The following UNC5D variants were observed in gnomAD, a reference collection of about 807,000 sequenced individuals.
UNC5D encodes netrin receptor UNC5D.
In UNC5D, 39 loss-of-function variants were observed where a neutral mutation model predicts 105.4. The ratio of observed to expected loss-of-function variants is 0.37; its 90% confidence interval spans 0.29 to 0.48. The LOEUF is 0.48. Among genes scored for constraint, UNC5D ranks in the 20% least tolerant of loss-of-function variants. UNC5D has a pLI of 0.98. For synonymous variants in UNC5D, 452 were observed against 450.4 expected (o/e 1.00, Z -0.04); for missense variants, 991 against 1,202.4 (o/e 0.82, Z 2.60).
At chr8:35,453,221 C>A (rs1022115576) in intron 1 of UNC5D, among the ~76,000 whole-genome samples, 1 of 151,988 alleles carries the variant, frequency 6.6e-6, no homozygotes, top group South Asian at 2.1e-4. Context: ...TTTCTAGGAC[C>A]GAGAATAGTG....
intron 1 of UNC5D, among the ~76,000 whole-genome samples, chr8:35,307,093 C>T (rs930462396): frequency 6.6e-6 from 1 of 151,356 alleles, no homozygotes; most frequent in African/African-American, 2.4e-5. Flanking sequence ...AATACACTAA[C>T]ACTACTGATA....
At chr8:35,514,150 A>G (rs1457611295) in intron 1 of UNC5D, among the ~76,000 whole-genome samples, 1 of 152,218 alleles carries the variant, frequency 6.6e-6, no homozygotes, top group African/African-American at 2.4e-5. Flanking sequence ...TCCATTTTGC[A>G]TTTCTGCAGC....
At chr8:35,472,950 A>C (rs765935189) in intron 1 of UNC5D, among the ~76,000 whole-genome samples, 1 of 152,218 alleles carries the variant, frequency 6.6e-6, no homozygotes, top group Non-Finnish European at 1.5e-5. Flanking sequence ...TGGGAGTAAC[A>C]AAAATAAGTT....
At chr8:35,781,500 G>C (rs1802501469) in intron 16 of UNC5D, among the ~76,000 whole-genome samples, 1 of 152,028 alleles carries the variant, frequency 6.6e-6, no homozygotes, top group African/African-American at 2.4e-5. Context: ...TTTCAGAAAA[G>C]ACAGGCATGC....
intron 1 of UNC5D, among the ~76,000 whole-genome samples, chr8:35,275,987 G>A (rs1805749570): frequency 6.6e-6 from 1 of 152,202 alleles, no homozygotes; most frequent in African/African-American, 2.4e-5. Flanking sequence ...GGAAGATGGG[G>A]TGGGTAGAGA....
chr8:35,732,468 C>T (rs1317078977), intron 11 of UNC5D, among the ~76,000 whole-genome samples: 3 of 152,064 alleles, frequency 2.0e-5, no homozygotes, highest in African/African-American at 7.3e-5. Flanking sequence ...AAAAGAGGCT[C>T]AGAAGGTTTG....
intron 16 of UNC5D, among the ~76,000 whole-genome samples, chr8:35,781,576 T>C (rs1802504886): frequency 6.6e-6 from 1 of 152,162 alleles, no homozygotes; most frequent in South Asian, 2.1e-4. Flanking sequence ...CTGAAAAAAG[T>C]TAACAATGTC....
At chr8:35,480,672 G>A (rs558826695) in intron 1 of UNC5D, among the ~76,000 whole-genome samples, 3 of 152,184 alleles carry the variant, frequency 2.0e-5, no homozygotes, top group Admixed American at 6.5e-5. Flanking sequence ...GTTCTTTTGA[G>A]GCTTACATTC....
At chr8:35,657,866 G>A (rs1390037796) in intron 4 of UNC5D, among the ~76,000 whole-genome samples, 1 of 152,124 alleles carries the variant, frequency 6.6e-6, no homozygotes, top group Non-Finnish European at 1.5e-5. Flanking sequence ...ACTTTTAGGT[G>A]AAAGAATTAT....
At chr8:35,769,877 T>G (rs556087290) in intron 15 of UNC5D, among the ~76,000 whole-genome samples, 4 of 152,174 alleles carry the variant, frequency 2.6e-5, no homozygotes, top group East Asian at 3.9e-4. Flanking sequence ...ACAGGAGAAT[T>G]GCTTGAACCC....
intron 1 of UNC5D, among the ~76,000 whole-genome samples, chr8:35,237,385 A>G (rs1024364635): frequency 6.6e-6 from 1 of 151,902 alleles, no homozygotes; most frequent in Non-Finnish European, 1.5e-5. Flanking sequence ...GTTGTTTTTA[A>G]TACACTCTTA....
intron 1 of UNC5D, among the ~76,000 whole-genome samples, chr8:35,332,401 G>T (rs1810693998): frequency 6.6e-6 from 1 of 152,132 alleles, no homozygotes; most frequent in Non-Finnish European, 1.5e-5. Flanking sequence ...AATAGCAGAG[G>T]CAGCAACAAC....
At chr8:35,575,798 TAGGAATA>T (rs1487327811) in intron 3 of UNC5D, among the ~76,000 whole-genome samples, 2 of 152,138 alleles carry the variant, frequency 1.3e-5, no homozygotes, top group Non-Finnish European at 2.9e-5. Flanking sequence ...AATTAATATA[TAGGAATA>T]CTATTGCAGG....
intron 8 of UNC5D, among the ~76,000 whole-genome samples, chr8:35,711,648 T>TAACA (rs1343541552): frequency 2.0e-5 from 3 of 152,218 alleles, no homozygotes; most frequent in African/African-American, 2.4e-5. Context: ...TCCCTCATCC[T>TAACA]AACACTTAAC....
intron 1 of UNC5D, among the ~76,000 whole-genome samples, chr8:35,355,462 A>G (rs1801498158): frequency 1.3e-5 from 2 of 152,096 alleles, no homozygotes; most frequent in Non-Finnish European, 2.9e-5. Context: ...TAATCTAACC[A>G]TCATTCCCCA....
chr8:35,450,286 G>C (rs889141678), intron 1 of UNC5D, among the ~76,000 whole-genome samples: 1 of 152,100 alleles, frequency 6.6e-6, no homozygotes, highest in African/African-American at 2.4e-5. Flanking sequence ...CATGGCTCAC[G>C]TGTCCTGTCC....
intron 1 of UNC5D, among the ~76,000 whole-genome samples, chr8:35,261,628 G>T (rs1365736594): frequency 6.7e-6 from 1 of 150,186 alleles, no homozygotes; most frequent in Admixed American, 6.7e-5. Context: ...TGATTTGTGT[G>T]TGTAGGGGGG....
chr8:35,567,040 A>G (rs987792093), intron 2 of UNC5D, among the ~76,000 whole-genome samples: 3 of 152,064 alleles, frequency 2.0e-5, no homozygotes, highest in African/African-American at 7.3e-5. Context: ...AGCACCAGAC[A>G]ATTTGTTTAA....
At chr8:35,439,735 G>C (rs560243490) in intron 1 of UNC5D, among the ~76,000 whole-genome samples, 1 of 151,882 alleles carries the variant, frequency 6.6e-6, no homozygotes, top group Non-Finnish European at 1.5e-5. Flanking sequence ...ATGGAAAGTC[G>C]TTTTTCCATC....
Sources: gnomAD v4.1 joint callset for allele counts (sites outside exome capture counted in the v4.1 genomes callset) on GRCh38, gnomAD v4.1.1 for gene constraint, MANE v1.5 for transcripts, NCBI Gene and HGNC (gene_info 2026-07-23, HGNC 2026-07-21) for gene names.